The following BTBD1 variants were observed in gnomAD, a reference collection of about 807,000 sequenced individuals.
The protein encoded by BTBD1 is BTB domain containing 1, also known as BTB/POZ domain-containing protein 1.
A neutral mutation model predicts 48.0 loss-of-function variants in BTBD1; 34 were observed. The observed-to-expected ratio is 0.71, with a 90% confidence interval of 0.54 to 0.94. The LOEUF is 0.94. Ranked by LOEUF, BTBD1 falls within the 40% of genes least tolerant of loss-of-function variation. The probability of loss-of-function intolerance (pLI) is 0.00; values close to 1 mark genes in which losing one functional copy is unlikely to be tolerated. For synonymous variants in BTBD1, 261 were observed against 242.1 expected (o/e 1.08, Z -0.72); for missense variants, 543 against 625.6 (o/e 0.87, Z 1.41).
At chr15:83,064,250 G>A (rs76326109) in intron 1 of BTBD1, among the ~76,000 whole-genome samples, 1,725 of 152,116 alleles carry the variant, frequency 0.011, 17 homozygotes, top group Non-Finnish European at 0.017. Context: ...CAACATCTAC[G>A]TTACACAGCC....
intron 3 of BTBD1, among the ~76,000 whole-genome samples, chr15:83,042,729 A>G (rs1040805131): frequency 1.3e-5 from 2 of 152,218 alleles, no homozygotes; most frequent in Non-Finnish European, 2.9e-5. Context: ...TCCTGCCCTC[A>G]TGGAGCTTAC....
chr15:83,023,659 T>G (rs2032345125), intron 5 of BTBD1, among the ~76,000 whole-genome samples: 1 of 152,120 alleles, frequency 6.6e-6, no homozygotes, highest in Non-Finnish European at 1.5e-5. Context: ...CAAAATGTTT[T>G]GATTACAGGT....
At position 83,066,972 on chromosome 15, in the gene BTBD1, G is replaced by A. The variant is rs1439474860; in HGVS notation, c.180C>T (p.Ala60=). 2 of 1,583,654 alleles carry A rather than the reference G, an allele frequency of 1.3e-6. No individual in the cohort carries two copies. Among genetic ancestry groups the A allele is most frequent in the Admixed American group, 1.7e-5 (1 of 57,370 alleles). Residue 60 remains alanine (A), a synonymous_variant, in exon 1 of 8, where the codon GCC becomes GCT. Transcript: ENST00000261721. ...ATKASLKERF[A]FLFNSELLSD... ...TCAGCAGCTCCGAGTTGAAGAGGAA[G>A]GCGAAGCGCTCCTTCAGCGACGCCT...
chr15:83,029,850 C>G (rs1162687307), intron 5 of BTBD1: 5 of 348,606 alleles, frequency 1.4e-5, no homozygotes, highest in African/African-American at 1.1e-4. Flanking sequence ...GCCTGAGTGA[C>G]AGAGCGACTC....
chr15:83,031,803 C>T (rs761773137), intron 4 of BTBD1, among the ~76,000 whole-genome samples: 7 of 151,430 alleles, frequency 4.6e-5, no homozygotes, highest in Non-Finnish European at 7.4e-5. Flanking sequence ...GATATACAAG[C>T]GGCCAATACA....
At chr15:83,063,217 TC>T (rs1219940028) in intron 1 of BTBD1, among the ~76,000 whole-genome samples, 1 of 152,242 alleles carries the variant, frequency 6.6e-6, no homozygotes, top group Non-Finnish European at 1.5e-5. Flanking sequence ...ATTTGAAGAT[TC>T]CAGAGCTCAT....
At chr15:83,034,892 T>C (rs1376491232) in intron 4 of BTBD1, among the ~76,000 whole-genome samples, 1 of 152,226 alleles carries the variant, frequency 6.6e-6, no homozygotes, top group African/African-American at 2.4e-5. Flanking sequence ...TATATTCCTT[T>C]CATAGATATA....
rs534496263 is a variant in BTBD1 at position 83,043,340 on chromosome 15, G to T, written c.665-1415C>A. Among the ~76,000 whole-genome samples, 154 of 152,254 alleles carry T rather than the reference G, an allele frequency of 1.0e-3. 1 individual carries two copies. The highest frequency in any genetic ancestry group is 2.1e-3 in the Non-Finnish European group (141 of 68,010). Reference sequence around the variant, plus strand: ...GGAGGCCAACGTGGTGGAGTGGAGTGAGCAGGAGGGAAGAGTAGCAGGCAA... The same window carrying T: ...GGAGGCCAACGTGGTGGAGTGGAGTTAGCAGGAGGGAAGAGTAGCAGGCAA... On this transcript the variant is annotated intron_variant, in intron 3 of 7. Transcript: ENST00000261721.
At chr15:83,047,260 T>C (rs957585333) in intron 3 of BTBD1, among the ~76,000 whole-genome samples, 2 of 152,172 alleles carry the variant, frequency 1.3e-5, no homozygotes, top group African/African-American at 4.8e-5. Context: ...AGGGATTGCT[T>C]AGGGGAACAC....
intron 5 of BTBD1, chr15:83,024,024 A>G (rs950181004): frequency 1.3e-5 from 2 of 152,144 alleles, no homozygotes; most frequent in Non-Finnish European, 1.5e-5. Context: ...ACACGCTACC[A>G]TGCTCAGCTA....
At chr15:83,058,591 A>G (rs561912205) in intron 1 of BTBD1, among the ~76,000 whole-genome samples, 2 of 152,254 alleles carry the variant, frequency 1.3e-5, no homozygotes, top group South Asian at 2.1e-4. Flanking sequence ...CCCGGCCAAC[A>G]AAGTGAGACT....
At chr15:83,020,573 C>T in intron 6 of BTBD1, 102 bp downstream of exon 6, 1 of 782,140 alleles carries the variant, frequency 1.3e-6, no homozygotes, top group Non-Finnish European at 2.1e-6. Flanking sequence ...CTTCTGATTG[C>T]TTTGACAATT....
intron 3 of BTBD1, among the ~76,000 whole-genome samples, chr15:83,042,348 T>TTTTATATATTTA (rs773923340): frequency 0.014 from 1,489 of 109,876 alleles, 26 homozygotes; most frequent in Non-Finnish European, 0.019. Flanking sequence ...TTAGGCAATT[T>TTTTATATATTTA]TATATATATA....
rs1464026985 is a variant in BTBD1 at position 83,016,984 on chromosome 15, A to C, written c.*1083T>G. 1 of 152,612 alleles carries C rather than the reference A, an allele frequency of 6.6e-6. No homozygotes were observed. The highest frequency in any genetic ancestry group is 1.5e-5 in the Non-Finnish European group (1 of 68,036). The allele number at this position is 152,612 out of a possible 1,614,324, so 9.5% of individuals were successfully genotyped here. ...TCAAGGGAAAAAAATGGATGTTACT[A>C]TATTTTAAAATCTGCTTTATAAAAA... On this transcript the variant is annotated 3_prime_UTR_variant, in exon 8 of 8. Transcript: ENST00000261721.
At chr15:83,048,080 G>A (rs1166400345) in intron 3 of BTBD1, among the ~76,000 whole-genome samples, 2 of 152,140 alleles carry the variant, frequency 1.3e-5, no homozygotes, top group Non-Finnish European at 2.9e-5. Context: ...TGGTAGCCAC[G>A]GATATGGTTA....
intron 5 of BTBD1, among the ~76,000 whole-genome samples, chr15:83,021,742 A>AAATAATAAT (rs57670003): frequency 0.096 from 13,969 of 145,328 alleles, 805 homozygotes; most frequent in Middle Eastern, 0.18. Context: ...ACTCCTTCTC[A>AAATAATAAT]AATAATAATA....
intron 1 of BTBD1, among the ~76,000 whole-genome samples, chr15:83,058,608 A>T (rs2033126076): frequency 6.6e-6 from 1 of 152,060 alleles, no homozygotes; most frequent in Non-Finnish European, 1.5e-5. Context: ...GACTTAAAAA[A>T]ATTTTTTTTT....
intron 5 of BTBD1, among the ~76,000 whole-genome samples, chr15:83,023,205 C>G (rs1026374313): frequency 6.6e-6 from 1 of 151,986 alleles, no homozygotes; most frequent in Non-Finnish European, 1.5e-5. Flanking sequence ...TACCAATTCA[C>G]TATATTTAAC....
chr15:83,064,225 C>T (rs1358046698), intron 1 of BTBD1, among the ~76,000 whole-genome samples: 2 of 152,074 alleles, frequency 1.3e-5, no homozygotes, highest in Non-Finnish European at 2.9e-5. Context: ...CTTTTTGTCA[C>T]GTATTAGCTA....
Sources: allele counts gnomAD v4.1 joint callset (sites outside exome capture counted in the v4.1 genomes callset), GRCh38; gene constraint gnomAD v4.1.1; transcripts MANE v1.5; gene names NCBI Gene and HGNC (gene_info 2026-07-23, HGNC 2026-07-21).